The following NEURL1 variants were observed in gnomAD, a reference collection of about 807,000 sequenced individuals.
NEURL1 encodes the protein neuralized E3 ubiquitin protein ligase 1, also known as E3 ubiquitin-protein ligase NEURL1.
Under a neutral mutation model 41.2 loss-of-function variants are expected in NEURL1, and 26 were observed. That is an observed-to-expected ratio of 0.63 (90% CI 0.46 to 0.87). The LOEUF is 0.87. Ranked by LOEUF, NEURL1 falls within the 40% of genes least tolerant of loss-of-function variation. The pLI is 0.00. For synonymous variants in NEURL1, 400 were observed against 402.3 expected, an observed-to-expected ratio of 0.99 and a Z score of 0.07; for missense variants, 761 against 871.1, an observed-to-expected ratio of 0.87 and a Z score of 1.59.
intron 1 of NEURL1, among the ~76,000 whole-genome samples, chr10:103,570,195 G>A (rs558594976): frequency 1.3e-5 from 2 of 152,332 alleles, no homozygotes; most frequent in African/African-American, 4.8e-5. Context: ...ACGATGACAG[G>A]ATGGGCGGGC....
At chr10:103,584,237 ATAC>A (rs2035846632) in intron 3 of NEURL1, among the ~76,000 whole-genome samples, 1 of 152,166 alleles carries the variant, frequency 6.6e-6, no homozygotes, top group African/African-American at 2.4e-5. Context: ...ATTATGAGGA[ATAC>A]AAGTTTACTG....
At chr10:103,539,230 G>A (rs1035907676) in intron 1 of NEURL1, among the ~76,000 whole-genome samples, 1 of 152,160 alleles carries the variant, frequency 6.6e-6, no homozygotes, top group African/African-American at 2.4e-5. Flanking sequence ...TAAGGCATGA[G>A]CCACTGCACC....
intron 1 of NEURL1, among the ~76,000 whole-genome samples, chr10:103,507,405 A>G (rs2033971871): frequency 6.6e-6 from 1 of 152,156 alleles, no homozygotes; most frequent in African/African-American, 2.4e-5. Context: ...AGTCCACTGC[A>G]GTCCTTTATG....
chr10:103,577,495 A>C (rs2035690724), intron 3 of NEURL1: 1 of 152,660 alleles, frequency 6.6e-6, no homozygotes, highest in African/African-American at 2.4e-5. Context: ...TAACCTGCCC[A>C]AGGTCACACA....
chr10:103,505,656 T>C (rs1324061096), intron 1 of NEURL1, among the ~76,000 whole-genome samples: 2 of 152,208 alleles, frequency 1.3e-5, no homozygotes, highest in African/African-American at 4.8e-5. Context: ...TGAGCCACCA[T>C]GTCCAGCCAG....
chr10:103,502,588 T>A (rs2033849236), intron 1 of NEURL1, among the ~76,000 whole-genome samples: 1 of 152,174 alleles, frequency 6.6e-6, no homozygotes, highest in African/African-American at 2.4e-5. Context: ...CCAAATATAG[T>A]CATATTGGGC....
chr10:103,589,476 G>A (rs1051630735), intron 4 of NEURL1, 38 bp from the exon 5 acceptor site: 4 of 1,548,992 alleles, frequency 2.6e-6, no homozygotes, highest in Non-Finnish European at 3.5e-6. Context: ...GGCCTGGGCA[G>A]GCAGCTAGTG....
intron 1 of NEURL1, among the ~76,000 whole-genome samples, chr10:103,551,297 AT>A (rs528332099): frequency 0.032 from 3,847 of 118,642 alleles, 32 homozygotes; most frequent in Admixed American, 0.061. Flanking sequence ...GGTCAAATGA[AT>A]TTTTTTTTTT....
intron 1 of NEURL1, among the ~76,000 whole-genome samples, chr10:103,528,039 G>T (rs1393544806): frequency 1.3e-5 from 2 of 152,092 alleles, no homozygotes; most frequent in Non-Finnish European, 2.9e-5. Context: ...GGCCAACATG[G>T]TGAAACCCTG....
chr10:103,541,037 C>T (rs1484015961), intron 1 of NEURL1, among the ~76,000 whole-genome samples: 1 of 152,112 alleles, frequency 6.6e-6, no homozygotes, highest in Non-Finnish European at 1.5e-5. Flanking sequence ...GTCAGTACTG[C>T]TTATAAAGAA....
chr10:103,516,436 G>A (rs1221576287), intron 1 of NEURL1, among the ~76,000 whole-genome samples: 3 of 151,240 alleles, frequency 2.0e-5, no homozygotes, highest in African/African-American at 7.3e-5. Context: ...GTTTTGGCCA[G>A]GGTGTGTCAG....
At chr10:103,525,172 GA>G in intron 1 of NEURL1, among the ~76,000 whole-genome samples, 1 of 151,226 alleles carries the variant, frequency 6.6e-6, no homozygotes, top group East Asian at 1.9e-4. Flanking sequence ...TTTATTCCTA[GA>G]TTTTTTTTTT....
Position 103,571,063 on chromosome 10 carries a change from A to G in NEURL1, c.277A>G (p.Ile93Val). The change falls in exon 2 of 6, where the codon ATC becomes GTC. Residue 93 changes from isoleucine to valine, a missense_variant. Physicochemically the swap from Ile to Val is conservative, Grantham distance 29. Around this residue, in one of 5 missense-constraint regions of NEURL1, gnomAD observed 65 missense variants for 131.6 expected, o/e 0.49. Transcript: ENST00000369780. Reference protein sequence around the residue: ...VKRQASFCNAITFSNRPVLIY... With the variant: ...VKRQASFCNAVTFSNRPVLIY... Reference sequence around the variant, plus strand: ...GAGGCAGGCCAGCTTCTGCAACGCCATCACCTTCAGCAACCGCCCGGTCCT... The same window carrying G: ...GAGGCAGGCCAGCTTCTGCAACGCCGTCACCTTCAGCAACCGCCCGGTCCT... 5 of 1,613,866 alleles carry G rather than the reference A, an allele frequency of 3.1e-6. No homozygotes were observed. Among genetic ancestry groups the G allele is most frequent in the South Asian group, 1.1e-5 (1 of 91,088 alleles).
At chr10:103,576,020 C>T (rs1390706713) in intron 3 of NEURL1, among the ~76,000 whole-genome samples, 1 of 152,242 alleles carries the variant, frequency 6.6e-6, no homozygotes, top group African/African-American at 2.4e-5. Context: ...TCCCTTGGTG[C>T]CTACCACTGC....
At chr10:103,587,817 A>T (rs958294681) in intron 4 of NEURL1, among the ~76,000 whole-genome samples, 2 of 152,252 alleles carry the variant, frequency 1.3e-5, no homozygotes, top group African/African-American at 4.8e-5. Flanking sequence ...GGAGATGATA[A>T]TTAACTTGGA....
At chr10:103,562,007 A>G (rs2035303897) in intron 1 of NEURL1, among the ~76,000 whole-genome samples, 1 of 152,244 alleles carries the variant, frequency 6.6e-6, no homozygotes, top group Non-Finnish European at 1.5e-5. Flanking sequence ...TAGATAGAAG[A>G]ATCAAACACT....
Position 103,566,961 on chromosome 10 carries a change from CTT to C in NEURL1, c.86-3909_86-3908del, listed in dbSNP as rs1435737401. Among the ~76,000 whole-genome samples the C allele has an allele frequency of 6.6e-6, 1 of 151,422 alleles. No individual in the cohort carries two copies. Among genetic ancestry groups the C allele is most frequent in the Admixed American group, 6.6e-5 (1 of 15,178 alleles). ...GGTTTTGGGTGGTACATAAAGGAAA[CTT>C]TGTTTCTTTTCTTTCTTTCTTTTTT... On this transcript the variant is annotated intron_variant, in intron 1 of 5. Coordinates refer to ENST00000369780, the MANE Select transcript of NEURL1 (RefSeq NM_004210.5). This position sits in a 1 kb window ranked among gnomAD's most constrained non-coding sequence, Gnocchi z 4.2.
At chr10:103,533,341 T>A (rs1296614583) in intron 1 of NEURL1, among the ~76,000 whole-genome samples, 1 of 152,044 alleles carries the variant, frequency 6.6e-6, no homozygotes, top group African/African-American at 2.4e-5. Flanking sequence ...TTTCTCTGAC[T>A]GGGTAATTTC....
intron 1 of NEURL1, among the ~76,000 whole-genome samples, chr10:103,496,026 C>T (rs987986807): frequency 6.6e-6 from 1 of 151,808 alleles, no homozygotes; most frequent in African/African-American, 2.4e-5. Context: ...AGGAGAATCC[C>T]TTGAATCTGG....
Sources: gnomAD v4.1 joint callset for allele counts (sites outside exome capture counted in the v4.1 genomes callset) on GRCh38, gnomAD v4.1.1 for gene constraint, gnomAD v4.1.1 regional missense constraint, Gnocchi (gnomAD v3.1) non-coding constraint, MANE v1.5 for transcripts, NCBI Gene and HGNC (gene_info 2026-07-23, HGNC 2026-07-21) for gene names.